CSMD1: variants seen among roughly 807,000 people sequenced by gnomAD.
The protein encoded by CSMD1 is CUB and Sushi multiple domains 1.
A neutral mutation model predicts 417.5 loss-of-function variants in CSMD1; 213 were observed. The ratio of observed to expected loss-of-function variants is 0.51; its 90% confidence interval spans 0.46 to 0.57. The LOEUF (loss-of-function observed/expected upper bound fraction) is 0.57. CSMD1 is among the 20% of genes least tolerant of loss of function. The pLI, the probability that CSMD1 is intolerant of heterozygous loss-of-function variation, is 0.00. For synonymous variants in CSMD1, 2,862 were observed against 1,736.8 expected (o/e 1.65, Z -16.11); for missense variants, 6,923 against 4,529.7 (o/e 1.53, Z -15.17).
At chr8:4,463,137 G>C (rs76827059) in intron 2 of CSMD1, among the ~76,000 whole-genome samples, 3,225 of 152,180 alleles carry the variant, frequency 0.021, 126 homozygotes, top group African/African-American at 0.072. Context: ...TAATCGAATA[G>C]ACGCTGCCCC....
intron 61 of CSMD1, 28 bp downstream of exon 61, chr8:2,962,438 A>T (rs901423240): frequency 6.3e-7 from 1 of 1,585,790 alleles, no homozygotes; most frequent in Non-Finnish European, 8.6e-7. Context: ...ACTCCCAGGT[A>T]TCCCCAGAGC....
chr8:3,902,619 T>A (rs1563194207), intron 5 of CSMD1, among the ~76,000 whole-genome samples: 1 of 152,060 alleles, frequency 6.6e-6, no homozygotes, highest in Non-Finnish European at 1.5e-5. Context: ...GCCGCCGATC[T>A]GAGAGGAGGC....
At chr8:4,408,706 C>T (rs1237171567) in intron 3 of CSMD1, among the ~76,000 whole-genome samples, 4 of 152,046 alleles carry the variant, frequency 2.6e-5, no homozygotes, top group Non-Finnish European at 4.4e-5. Flanking sequence ...CATAGTTGAC[C>T]AGCTCTCAGA....
intron 6 of CSMD1, among the ~76,000 whole-genome samples, chr8:3,751,124 G>C (rs1426706754): frequency 2.0e-5 from 3 of 152,120 alleles, no homozygotes; most frequent in South Asian, 2.1e-4. Context: ...ATGAAAAAAA[G>C]GTAACTTCCT....
intron 2 of CSMD1, among the ~76,000 whole-genome samples, chr8:4,448,077 G>C (rs763848900): frequency 4.2e-4 from 64 of 152,312 alleles, no homozygotes; most frequent in African/African-American, 1.4e-3. Context: ...TAGCTGTCCA[G>C]TGGAAATTCT....
intron 3 of CSMD1, among the ~76,000 whole-genome samples, chr8:4,315,436 A>C (rs1289827372): frequency 6.6e-6 from 1 of 152,160 alleles, no homozygotes; most frequent in Non-Finnish European, 1.5e-5. Context: ...ATATTTGTAA[A>C]ATAAATCAGT....
intron 7 of CSMD1, among the ~76,000 whole-genome samples, chr8:3,646,337 T>G (rs150061601): frequency 6.6e-6 from 1 of 152,174 alleles, no homozygotes; most frequent in Admixed American, 6.5e-5. Context: ...TATTAAAACA[T>G]TGAATATTTT....
intron 4 of CSMD1, among the ~76,000 whole-genome samples, chr8:4,031,303 G>T (rs74728380): frequency 9.2e-5 from 14 of 152,116 alleles, no homozygotes; most frequent in Non-Finnish European, 2.9e-5. Context: ...TAGACTTACC[G>T]TCCCAAGTGG....
chr8:4,741,021 A>G (rs1810566889), intron 1 of CSMD1, among the ~76,000 whole-genome samples: 1 of 152,218 alleles, frequency 6.6e-6, no homozygotes, highest in African/African-American at 2.4e-5. Flanking sequence ...ACTAGAACCG[A>G]AAGTCCTAGT....
chr8:4,784,927 G>C (rs902565146), intron 1 of CSMD1, among the ~76,000 whole-genome samples: 13 of 152,060 alleles, frequency 8.5e-5, no homozygotes, highest in African/African-American at 3.1e-4. Context: ...GTTTATGTTT[G>C]TAAAGATGAC....
intron 57 of CSMD1, 53 bp downstream of exon 57, chr8:2,973,064 G>T (rs1246839110): frequency 7.1e-6 from 11 of 1,545,218 alleles, no homozygotes; most frequent in South Asian, 2.4e-5. Flanking sequence ...ATTTTAGAAC[G>T]AGCTGTGTGG....
At chr8:3,237,227 G>A (rs1483759527) in intron 26 of CSMD1, among the ~76,000 whole-genome samples, 2 of 150,542 alleles carry the variant, frequency 1.3e-5, no homozygotes, top group African/African-American at 4.9e-5. Context: ...TAGCACTTTG[G>A]GAGGCCGAGG....
intron 3 of CSMD1, among the ~76,000 whole-genome samples, chr8:4,186,032 A>G (rs1158152827): frequency 6.6e-6 from 1 of 152,204 alleles, no homozygotes; most frequent in Non-Finnish European, 1.5e-5. Context: ...CCCTAGGTAC[A>G]TAGTGCCTGG....
intron 26 of CSMD1, among the ~76,000 whole-genome samples, chr8:3,262,230 T>C (rs12541462): frequency 0.23 from 21,655 of 95,468 alleles, 3,170 homozygotes; most frequent in Admixed American, 0.37. Context: ...TATATATATA[T>C]ACACACACAT....
At chr8:4,349,820 C>CTTT (rs35007995) in intron 3 of CSMD1, among the ~76,000 whole-genome samples, 68 of 139,438 alleles carry the variant, frequency 4.9e-4, no homozygotes, top group African/African-American at 1.6e-3. Context: ...ATGATATGAC[C>CTTT]TTTTTTTTTT....
chr8:4,563,743 A>T (rs556429829), intron 2 of CSMD1, among the ~76,000 whole-genome samples: 16 of 152,322 alleles, frequency 1.1e-4, no homozygotes, highest in African/African-American at 3.8e-4. Flanking sequence ...ACCTGTTGAC[A>T]TGTTAACATG....
At chr8:3,756,797 A>AT (rs1584951111) in intron 5 of CSMD1, among the ~76,000 whole-genome samples, 1 of 141,786 alleles carries the variant, frequency 7.1e-6, no homozygotes, top group African/African-American at 2.5e-5. Flanking sequence ...AACCAGGTGG[A>AT]ATTTTTTTTT....
intron 3 of CSMD1, among the ~76,000 whole-genome samples, chr8:4,411,384 G>A (rs955607452): frequency 2.0e-5 from 3 of 151,922 alleles, no homozygotes; most frequent in African/African-American, 7.3e-5. Context: ...ATCAGCCACA[G>A]TGCTGGTCTT....
intron 3 of CSMD1, among the ~76,000 whole-genome samples, chr8:4,173,118 A>T (rs1241323244): frequency 6.6e-6 from 1 of 152,172 alleles, no homozygotes; most frequent in Non-Finnish European, 1.5e-5. Context: ...CGGAGGAAGT[A>T]ACTATACAGT....
Sources: allele counts gnomAD v4.1 joint callset (sites outside exome capture counted in the v4.1 genomes callset), GRCh38; gene constraint gnomAD v4.1.1; transcripts MANE v1.5; gene names NCBI Gene and HGNC (gene_info 2026-07-23, HGNC 2026-07-21).